The following CPNE5 variants were observed in gnomAD, a reference collection of about 807,000 sequenced individuals.
CPNE5 encodes the protein copine 5.
In CPNE5, 42 loss-of-function variants were observed where a neutral mutation model predicts 81.1. The ratio of observed to expected loss-of-function variants is 0.52; its 90% CI spans 0.40 to 0.67. The LOEUF (loss-of-function observed/expected upper bound fraction) is 0.67. CPNE5 is among the 30% of genes least tolerant of loss of function. CPNE5 has a pLI of 0.00. For synonymous variants in CPNE5, 313 were observed against 321.5 expected (o/e 0.97, Z 0.28); for missense variants, 612 against 815.5 (o/e 0.75, Z 3.04).
At chr6:36,805,414 G>T (rs915973374) in intron 3 of CPNE5, among the ~76,000 whole-genome samples, 8 of 152,254 alleles carry the variant, frequency 5.3e-5, no homozygotes, top group Non-Finnish European at 1.0e-4. Flanking sequence ...GGGCTCTGAG[G>T]ATACTGGGAG....
chr6:36,787,140 CA>C (rs1247906755), intron 8 of CPNE5, among the ~76,000 whole-genome samples: 4 of 152,186 alleles, frequency 2.6e-5, no homozygotes, highest in Non-Finnish European at 5.9e-5. Flanking sequence ...GAACCTTCAC[CA>C]CCTCCCCCAC....
At chr6:36,838,162 A>G (rs1329062087) in intron 1 of CPNE5, among the ~76,000 whole-genome samples, 4 of 152,010 alleles carry the variant, frequency 2.6e-5, no homozygotes, top group Non-Finnish European at 5.9e-5. Context: ...CTCTACCTAC[A>G]CCTCATCAAT....
At chr6:36,784,663 C>T (rs1303010408) in intron 8 of CPNE5, among the ~76,000 whole-genome samples, 2 of 152,140 alleles carry the variant, frequency 1.3e-5, no homozygotes, top group African/African-American at 4.8e-5. Flanking sequence ...TCCCCTTGGC[C>T]GGGCATGATG....
At chr6:36,790,660 C>T (rs1442451807) in intron 8 of CPNE5, among the ~76,000 whole-genome samples, 3 of 152,038 alleles carry the variant, frequency 2.0e-5, no homozygotes, top group East Asian at 1.9e-4. Context: ...GCAGAGGAGC[C>T]GAGATTCCAA....
chr6:36,744,233 G>T, intron 19 of CPNE5, 35 bp downstream of exon 19: 1 of 1,544,930 alleles, frequency 6.5e-7, no homozygotes, highest in Non-Finnish European at 8.8e-7. Context: ...CGTGGCTAGG[G>T]AAGGAAAGGA....
intron 7 of CPNE5, 120 bp downstream of exon 7, chr6:36,794,470 C>T: frequency 1.1e-6 from 1 of 939,088 alleles, no homozygotes; most frequent in Non-Finnish European, 1.7e-6. Flanking sequence ...CTCTCTGTCC[C>T]CGGATCAGGG....
chr6:36,746,303 G>A lies in CPNE5; in HGVS notation c.1200+93C>T, dbSNP rs1441250498. The A allele has an allele frequency of 2.4e-5, 35 of 1,472,300 alleles. No homozygotes were observed. The highest frequency in any genetic ancestry group is 5.4e-5 in the South Asian group (4 of 73,990). The allele number at this position is 1,472,300 out of a possible 1,614,324, so 91.2% of individuals were successfully genotyped here. A position where few individuals can be genotyped will look rare whatever the true frequency, so the allele number is the denominator to read the frequency against. On this transcript the variant is annotated intron_variant, in intron 16 of 20. Transcript: ENST00000244751. This position sits in a 1 kb window ranked among gnomAD's most constrained non-coding sequence, Gnocchi z 4.5. ...CACTGAGGCTGAGCCTTAAGTCCCC[G>A]GGCTCAGAGGAAGGGAAACGTCCCC... is the stretch of plus-strand genomic sequence containing the variant.
In CPNE5 at chr6:36,794,611, G is replaced by T; in HGVS notation, c.443C>A (p.Pro148His). ...AFSLNSRTGK[P>H]MPAVSNGGVP... Reference sequence around the variant, plus strand: ...GTACCCGTTGGACACAGCTGGCATGGGTTTGCCCGTCCTGGAATTCAGGCT... The same window carrying T: ...GTACCCGTTGGACACAGCTGGCATGTGTTTGCCCGTCCTGGAATTCAGGCT... Residue 148 changes from proline to histidine, a missense_variant, in exon 7 of 21, where the codon CCC becomes CAC. Transcript: ENST00000244751. 6.2e-7 allele frequency: 1 copy of T among 1,614,150 alleles called. No homozygotes were observed. Among genetic ancestry groups the T allele is most frequent in the Non-Finnish European group, 8.5e-7 (1 of 1,180,010 alleles).
Position 36,753,046 on chromosome 6 carries a change from T to C in CPNE5, c.959A>G (p.Tyr320Cys). Residue 320 changes from tyrosine (Y) to cysteine (C), a missense_variant, in exon 14 of 21, where the codon TAC becomes TGC. Transcript: ENST00000244751. The part of the protein sequence containing the change: ...AVESECTFLD[Y>C]IKGGTQINFT... ...TATCTCTTCTCACCCTCCTTTGATGTAGTCAAGGAAGGTGCACTCTGACTC... is the reference window on the plus strand; with the variant it reads ...TATCTCTTCTCACCCTCCTTTGATGCAGTCAAGGAAGGTGCACTCTGACTC... 2 of 1,611,880 alleles carry C rather than the reference T, an allele frequency of 1.2e-6. No homozygotes were observed. The highest frequency in any genetic ancestry group is 1.7e-6 in the Non-Finnish European group (2 of 1,178,196).
chr6:36,742,883 C>G, intron 20 of CPNE5: 1 of 985,430 alleles, frequency 1.0e-6, no homozygotes, highest in South Asian at 4.7e-5. Context: ...TCTCTCTGGC[C>G]TCTCTTCGTT....
At chr6:36,790,235 T>C (rs1301559085) in intron 8 of CPNE5, among the ~76,000 whole-genome samples, 2 of 152,226 alleles carry the variant, frequency 1.3e-5, no homozygotes, top group South Asian at 2.1e-4. Context: ...TATTATAATA[T>C]GTTAGGTAAG....
rs570991946 is a variant in CPNE5, at chr6:36,789,349, C to G, written c.528+2684G>C. On this transcript the variant is annotated intron_variant, in intron 8 of 20. Coordinates refer to ENST00000244751, the MANE Select transcript of CPNE5 (RefSeq NM_020939.2). ...CACCTGATAGGTATTCAACCTAAGA[C>G]TGCTTACCAACCCCTGGAATGCTAG... is the stretch of plus-strand genomic sequence containing the variant. Among the ~76,000 whole-genome samples, 13 of 152,312 alleles carry G rather than the reference C, an allele frequency of 8.5e-5. 1 individual carries two copies. The South Asian group carries it at 2.5e-3, about 29-fold the overall frequency.
At chr6:36,782,159 C>G (rs370372201) in intron 8 of CPNE5, among the ~76,000 whole-genome samples, 1 of 152,286 alleles carries the variant, frequency 6.6e-6, no homozygotes, top group African/African-American at 2.4e-5. Context: ...ATCCCCCCAG[C>G]CTTCCCAGCC....
chr6:36,745,556 G>T, intron 16 of CPNE5, 41 bp from the exon 17 acceptor site: 1 of 1,572,666 alleles, frequency 6.4e-7, no homozygotes, highest in South Asian at 1.2e-5. Context: ...CAGGAAGGAA[G>T]GACAGGGGTG....
chr6:36,778,288 G>C (rs1363378587), intron 9 of CPNE5, among the ~76,000 whole-genome samples: 2 of 152,184 alleles, frequency 1.3e-5, no homozygotes, highest in Admixed American at 1.3e-4. Context: ...ATTGTGGGTG[G>C]CTTCTAGATT....
intron 1 of CPNE5, among the ~76,000 whole-genome samples, chr6:36,833,278 A>G (rs79523850): frequency 0.02 from 3,010 of 152,272 alleles, 80 homozygotes; most frequent in East Asian, 0.11. Flanking sequence ...AGAAAATACT[A>G]CTATCTATCT....
At chr6:36,795,092 A>G (rs1298359187) in intron 6 of CPNE5, among the ~76,000 whole-genome samples, 1 of 152,196 alleles carries the variant, frequency 6.6e-6, no homozygotes, top group Non-Finnish European at 1.5e-5. Context: ...GCTGAACTGT[A>G]TCCCCCAAAA....
intron 3 of CPNE5, among the ~76,000 whole-genome samples, chr6:36,810,488 C>T (rs1400221295): frequency 2.0e-5 from 3 of 152,250 alleles, no homozygotes; most frequent in African/African-American, 4.8e-5. Flanking sequence ...CAAATAGAAA[C>T]GGAAAAAGGG....
chr6:36,772,921 C>A (rs1767163671), intron 10 of CPNE5, among the ~76,000 whole-genome samples: 1 of 152,106 alleles, frequency 6.6e-6, no homozygotes, highest in African/African-American at 2.4e-5. Context: ...CTCATTGCAG[C>A]CTTGAACTCC....
Sources: allele counts gnomAD v4.1 joint callset (sites outside exome capture counted in the v4.1 genomes callset), GRCh38; gene constraint gnomAD v4.1.1; non-coding constraint Gnocchi (gnomAD v3.1); transcripts MANE v1.5; gene names NCBI Gene and HGNC (gene_info 2026-07-23, HGNC 2026-07-21).